CDCA4: variants seen among roughly 807,000 people sequenced by gnomAD.
The protein encoded by CDCA4 is cell division cycle associated 4.
For synonymous variants in CDCA4, 130 were observed against 137.0 expected (o/e 0.95, Z 0.36); for missense variants, 294 against 322.1 (o/e 0.91, Z 0.67).
chr14:105,011,709 G>C lies in CDCA4; in HGVS notation c.221C>G (p.Thr74Arg). ...CACTGTGCGCCACGTCCCATCCTGC[G>C]TCATCTCCTCTTGGATCTGCCGGAC... ...NTVRQIQEEM[T>R]QDGTWRTVAP... The change falls in exon 2 of 2, where the codon ACG becomes AGG. Residue 74 changes from threonine to arginine, a missense_variant. Transcript: ENST00000336219. 6.2e-7 allele frequency: 1 copy of C among 1,613,672 alleles called. No individual in the cohort carries two copies. The highest frequency in any genetic ancestry group is 1.1e-5 in the South Asian group (1 of 91,086).
Position 105,010,654 on chromosome 14 carries a change from C to CAAAAA in CDCA4, c.*545_*549dup, listed in dbSNP as rs745420532. ...GCTCACTGCAAAAAACAAAACAAAACAAAAAACCCTTATTTAAACCTTAAA... is the reference window on the plus strand; with the variant it reads ...GCTCACTGCAAAAAACAAAACAAAACAAAAAAAAAAACCCTTATTTAAACCTTAAA... On this transcript the variant is annotated 3_prime_UTR_variant, in exon 2 of 2. Transcript: ENST00000336219. 6.6e-6 allele frequency: 1 copy of CAAAAA among 152,630 alleles called. No homozygotes were observed. The highest frequency in any genetic ancestry group is 2.4e-5 in the African/African-American group (1 of 41,324). 9.5% of individuals were successfully genotyped at this position (152,630 alleles called of 1,614,324 possible).
intron 1 of CDCA4, among the ~76,000 whole-genome samples, chr14:105,015,760 G>GT (rs1595454371): frequency 6.6e-6 from 1 of 152,052 alleles, no homozygotes; most frequent in Non-Finnish European, 1.5e-5. Flanking sequence ...CGCCTCCCAG[G>GT]TTCAAGGGAT....
chr14:105,019,680 G>C (rs987825067), intron 1 of CDCA4, among the ~76,000 whole-genome samples: 1 of 152,120 alleles, frequency 6.6e-6, no homozygotes, highest in Non-Finnish European at 1.5e-5. Context: ...GGCTGTTCAT[G>C]AACAATTACT....
chr14:105,011,776 C>G lies in CDCA4; in HGVS notation c.154G>C (p.Val52Leu), dbSNP rs761669040. 1 of 1,613,618 alleles carries G rather than the reference C, an allele frequency of 6.2e-7. No homozygotes were observed. The highest frequency in any genetic ancestry group is 8.5e-7 in the Non-Finnish European group (1 of 1,180,036). ...ACTGAGCGGCACAGGTTGGGCTCCA[C>G]AAGCATGTGGCAAAGCTGCAACTTC... The part of the protein sequence containing the change: ...LVKLQLCHML[V>L]EPNLCRSVLI... Residue 52 changes from valine (V) to leucine (L), a missense_variant, in exon 2 of 2, where the codon GTG becomes CTG. Val to Leu is a conservative substitution (Grantham distance 32, BLOSUM62 1). Transcript: ENST00000336219.
At chr14:105,012,763 C>A (rs1900541174) in intron 1 of CDCA4, among the ~76,000 whole-genome samples, 1 of 152,104 alleles carries the variant, frequency 6.6e-6, no homozygotes, top group Non-Finnish European at 1.5e-5. Context: ...CAGTTCATTT[C>A]TCCCAAGGTG....
intron 1 of CDCA4, among the ~76,000 whole-genome samples, chr14:105,015,741 C>G (rs920371020): frequency 9.2e-5 from 14 of 152,034 alleles, no homozygotes; most frequent in African/African-American, 2.9e-4. Flanking sequence ...CTCAGCTCAC[C>G]GCAACCTCCG....
intron 1 of CDCA4, among the ~76,000 whole-genome samples, chr14:105,020,710 G>A (rs1051622412): frequency 6.6e-6 from 1 of 152,144 alleles, no homozygotes; most frequent in South Asian, 2.1e-4. Context: ...GCCGCCCGCA[G>A]GCCTCGGCAA....
At position 105,011,564 on chromosome 14, in the gene CDCA4, T is replaced by A; in HGVS notation, c.366A>T (p.Thr122=). The A allele has an allele frequency of 1.2e-6, 2 of 1,614,034 alleles. No individual in the cohort carries two copies. The highest frequency in any genetic ancestry group is 1.7e-6 in the Non-Finnish European group (2 of 1,180,004). The part of the protein sequence containing the change: ...HPAPGLGDGH[T]QGPVSDLCPV... Reference sequence around the variant, plus strand: ...GGCAAAGGTCAGAAACTGGACCCTGTGTGTGGCCGTCCCCCAAGCCAGGAG... The same window carrying A: ...GGCAAAGGTCAGAAACTGGACCCTGAGTGTGGCCGTCCCCCAAGCCAGGAG... Residue 122 remains threonine, a synonymous_variant, in exon 2 of 2, where the codon ACA becomes ACT. Transcript: ENST00000336219.
intron 1 of CDCA4, among the ~76,000 whole-genome samples, chr14:105,017,100 A>G (rs1405397970): frequency 6.6e-6 from 1 of 152,236 alleles, no homozygotes; most frequent in Non-Finnish European, 1.5e-5. Flanking sequence ...TTCAGAGAAC[A>G]GGGGGAACCT....
intron 1 of CDCA4, among the ~76,000 whole-genome samples, chr14:105,020,741 CAAGGAA>C (rs1886210272): frequency 6.6e-6 from 1 of 151,896 alleles, no homozygotes; most frequent in Non-Finnish European, 1.5e-5. Flanking sequence ...CCGCGCTCCG[CAAGGAA>C]CGCAGACGGC....
rs1477055810 is a variant in CDCA4 at position 105,010,971 on chromosome 14, G to A, written c.*233C>T. 20 of 577,920 alleles carry A rather than the reference G, an allele frequency of 3.5e-5. 1 individual carries two copies. Among genetic ancestry groups the A allele is most frequent in the South Asian group, 6.8e-5 (3 of 44,148 alleles). The allele number at this position is 577,920 out of a possible 1,614,324, so 35.8% of individuals were successfully genotyped here. On this transcript the variant is annotated 3_prime_UTR_variant, in exon 2 of 2. Transcript: ENST00000336219. ...ACGAGGGGCCCAGGGCTGTGGGGAC[G>A]TCAGAAGACAAGAAGCCTTCCAGAA... is the stretch of plus-strand genomic sequence containing the variant.
intron 1 of CDCA4, among the ~76,000 whole-genome samples, chr14:105,018,711 G>A (rs1886147454): frequency 6.6e-6 from 1 of 151,698 alleles, no homozygotes; most frequent in African/African-American, 2.4e-5. Context: ...ATACCGGTGG[G>A]GCTGTGGAGC....
At chr14:105,020,866 G>T (rs1886213933) in intron 1 of CDCA4, 133 bp downstream of exon 1, 1 of 151,832 alleles carries the variant, frequency 6.6e-6, no homozygotes, top group African/African-American at 2.4e-5. Context: ...CGGTGGTCCC[G>T]GGCGCCGCCT....
At chr14:105,016,407 T>G (rs1487692833) in intron 1 of CDCA4, among the ~76,000 whole-genome samples, 2 of 152,224 alleles carry the variant, frequency 1.3e-5, no homozygotes, top group Admixed American at 1.3e-4. Context: ...AGCATTTGGC[T>G]TCCTTAGCCT....
chr14:105,020,135 T>G (rs1226984729), intron 1 of CDCA4, among the ~76,000 whole-genome samples: 2 of 152,228 alleles, frequency 1.3e-5, no homozygotes, highest in Non-Finnish European at 2.9e-5. Flanking sequence ...CTACTCTTCC[T>G]AGAAAAGGGG....
intron 1 of CDCA4, among the ~76,000 whole-genome samples, chr14:105,020,533 G>T (rs554512953): frequency 6.6e-6 from 1 of 152,192 alleles, no homozygotes; most frequent in South Asian, 2.1e-4. Flanking sequence ...TGGCCGACCC[G>T]CCCGGGGTCT....
At position 105,010,874 on chromosome 14, in the gene CDCA4, CCTAT is replaced by C; in HGVS notation, c.*326_*329del. ...TGTAAAACTGAATTGTAAAAATTCA[CCTAT>C]CTAAAGGTAAAAGGAGGTTGATGCA... On this transcript the variant is annotated 3_prime_UTR_variant, in exon 2 of 2. Coordinates refer to ENST00000336219, the MANE Select transcript of CDCA4 (RefSeq NM_017955.4). 1 of 318,210 alleles carries C rather than the reference CCTAT, an allele frequency of 3.1e-6. No homozygotes were observed. The allele number at this position is 318,210 out of a possible 1,614,324, so 19.7% of individuals were successfully genotyped here. A position where few individuals can be genotyped will look rare whatever the true frequency, so the allele number is the denominator to read the frequency against.
At chr14:105,016,517 T>C (rs1900658147) in intron 1 of CDCA4, among the ~76,000 whole-genome samples, 1 of 152,232 alleles carries the variant, frequency 6.6e-6, no homozygotes, top group South Asian at 2.1e-4. Flanking sequence ...TCCACCAACT[T>C]TCTCCCGCAC....
chr14:105,020,403 T>C (rs1458261792), intron 1 of CDCA4, among the ~76,000 whole-genome samples: 2 of 152,192 alleles, frequency 1.3e-5, no homozygotes, highest in African/African-American at 4.8e-5. Flanking sequence ...ACGATCCTGT[T>C]TGCGGGGCGA....
Sources: allele counts gnomAD v4.1 joint callset (sites outside exome capture counted in the v4.1 genomes callset), GRCh38; gene constraint gnomAD v4.1.1; transcripts MANE v1.5; gene names NCBI Gene and HGNC (gene_info 2026-07-23, HGNC 2026-07-21).